NKAIN1: variants seen among roughly 807,000 people sequenced by gnomAD.
NKAIN1 encodes the protein sodium/potassium-transporting ATPase subunit beta-1-interacting protein 1.
Under a neutral mutation model 31.6 loss-of-function variants are expected in NKAIN1, and 13 were observed. The ratio of observed to expected loss-of-function variants is 0.41; its 90% CI spans 0.27 to 0.65. NKAIN1 has a LOEUF of 0.65. NKAIN1 is among the 30% of genes least tolerant of loss of function. The probability of loss-of-function intolerance (pLI) is 0.30; values close to 1 mark genes in which losing one functional copy is unlikely to be tolerated. For missense variants in NKAIN1, 193 were observed against 262.2 expected, an observed-to-expected ratio of 0.74 and a Z score of 1.82; for synonymous variants, 104 against 109.0, an observed-to-expected ratio of 0.95 and a Z score of 0.28.
At chr1:31,186,645 C>T (rs924623390) in intron 2 of NKAIN1, among the ~76,000 whole-genome samples, 3 of 151,854 alleles carry the variant, frequency 2.0e-5, no homozygotes, top group African/African-American at 7.3e-5. Flanking sequence ...ACTGAGACCC[C>T]AAGCATAGAA....
At position 31,181,708 on chromosome 1, in the gene NKAIN1, C is replaced by A; in HGVS notation, c.619G>T (p.Gly207Trp). Residue 207 changes from glycine to tryptophan, a missense_variant, in exon 7 of 7, where the codon GGG becomes TGG. Transcript: ENST00000373736. ...GGGTGGGCGCGGGGCAGAGGCTACC[C>A]CGACCTGCGGGAAACAAAGGCAGGT... ...HLQLQPLYTS[G>W] is the part of the protein sequence containing the mutation. 1 of 1,485,080 alleles carries A rather than the reference C, an allele frequency of 6.7e-7. No homozygotes were observed. Among genetic ancestry groups the A allele is most frequent in the Non-Finnish European group, 9.0e-7 (1 of 1,111,432 alleles). The allele number at this position is 1,485,080 out of a possible 1,614,324, so 92.0% of individuals were successfully genotyped here.
intron 1 of NKAIN1, among the ~76,000 whole-genome samples, chr1:31,196,313 A>C (rs1238504436): frequency 2.6e-5 from 4 of 152,108 alleles, no homozygotes; most frequent in Non-Finnish European, 5.9e-5. Context: ...GGAGATCGAG[A>C]CCATCCTGGC....
At chr1:31,196,987 A>G (rs938279895) in intron 1 of NKAIN1, among the ~76,000 whole-genome samples, 29 of 152,122 alleles carry the variant, frequency 1.9e-4, no homozygotes, top group Non-Finnish European at 2.6e-4. Context: ...GATTCACAGT[A>G]TCTTCCTCAT....
chr1:31,235,829 T>C (rs1645689114), intron 1 of NKAIN1, among the ~76,000 whole-genome samples: 1 of 152,082 alleles, frequency 6.6e-6, no homozygotes, highest in South Asian at 2.1e-4. Context: ...CAGGCTTAAA[T>C]CCAGGTCTTT....
At chr1:31,203,334 TCACAGTCA>T (rs1388107264) in intron 1 of NKAIN1, among the ~76,000 whole-genome samples, 1 of 38,824 alleles carries the variant, frequency 2.6e-5, no homozygotes, top group African/African-American at 3.7e-5. Flanking sequence ...TCAGAAGGGG[TCACAGTCA>T]ATGACAGTGC....
intron 1 of NKAIN1, among the ~76,000 whole-genome samples, chr1:31,201,711 G>A (rs1348038345): frequency 1.2e-4 from 19 of 152,186 alleles, no homozygotes; most frequent in Admixed American, 1.2e-3. Flanking sequence ...AGCAGTGGCA[G>A]GCTTGCCTAA....
chr1:31,181,527 C>A lies in NKAIN1; in HGVS notation c.*176G>T. 5.9e-6 allele frequency: 3 copies of A among 508,670 alleles called. No individual in the cohort carries two copies. 31.5% of individuals were successfully genotyped at this position (508,670 alleles called of 1,614,324 possible). A position where few individuals can be genotyped will look rare whatever the true frequency, so the allele number is the denominator to read the frequency against. On this transcript the variant is annotated 3_prime_UTR_variant, in exon 7 of 7. Coordinates refer to ENST00000373736, the MANE Select transcript of NKAIN1 (RefSeq NM_024522.3). ...GGGCTGCGAAGAGCCAAGCTCAAAT[C>A]CAAGTCCAAGTCCAAGTCCACGTCC...
intron 1 of NKAIN1, among the ~76,000 whole-genome samples, chr1:31,197,540 C>T (rs995811680): frequency 8.3e-5 from 6 of 72,616 alleles, no homozygotes; most frequent in African/African-American, 2.3e-4. Context: ...GCCACCGTGC[C>T]CGGCCTTTTT....
At chr1:31,204,947 A>G (rs1048123380) in intron 1 of NKAIN1, among the ~76,000 whole-genome samples, 14 of 152,194 alleles carry the variant, frequency 9.2e-5, no homozygotes, top group African/African-American at 3.4e-4. Flanking sequence ...GCACTCGGGC[A>G]GGCCTGGAAG....
At position 31,239,569 on chromosome 1, in the gene NKAIN1, CG is replaced by C; in HGVS notation, c.-23del. ...CCATGGCTCCGGGGGCTGCGCGGGC[CG>C]CACGCCGCGGCGCCCTTCTTGCTCC... is the stretch of plus-strand genomic sequence containing the variant. On this transcript the variant is annotated 5_prime_UTR_variant, in exon 1 of 7. Coordinates refer to ENST00000373736, the MANE Select transcript of NKAIN1 (RefSeq NM_024522.3). This position sits in a 1 kb window ranked among gnomAD's most constrained non-coding sequence, Gnocchi z 4.8. The C allele has an allele frequency of 8.2e-7, 1 of 1,219,484 alleles. No homozygotes were observed. The highest frequency in any genetic ancestry group is 1.0e-6 in the Non-Finnish European group (1 of 978,726). 75.5% of individuals were successfully genotyped at this position (1,219,484 alleles called of 1,614,324 possible).
chr1:31,218,397 G>C (rs1645535001), intron 1 of NKAIN1, among the ~76,000 whole-genome samples: 1 of 152,136 alleles, frequency 6.6e-6, no homozygotes, highest in African/African-American at 2.4e-5. Flanking sequence ...CTAAGTGCCA[G>C]GTGCTGCTGT....
At chr1:31,188,354 C>T in intron 1 of NKAIN1, 167 bp from the exon 2 acceptor site, 1 of 707,222 alleles carries the variant, frequency 1.4e-6, no homozygotes. Context: ...GGTCCTTAAG[C>T]CTGATCATCA....
At chr1:31,198,570 A>G (rs1645349063) in intron 1 of NKAIN1, among the ~76,000 whole-genome samples, 1 of 17,524 alleles carries the variant, frequency 5.7e-5, no homozygotes, top group South Asian at 2.1e-3. Context: ...AATCTCTCAT[A>G]TCTGGCCACT....
Position 31,220,520 on chromosome 1 carries a change from C to T in NKAIN1, c.54+18974G>A, listed in dbSNP as rs142561226. Among the ~76,000 whole-genome samples the T allele has an allele frequency of 5.7e-3, 861 of 151,904 alleles. 2 individuals are homozygous for T. Among genetic ancestry groups the T allele is most frequent in the Non-Finnish European group, 9.8e-3 (667 of 67,968 alleles). On this transcript the variant is annotated intron_variant, in intron 1 of 6. Transcript: ENST00000373736. ...CTATAATCCTGGCACTTTGGGAAGC[C>T]GAGGCCAGTGGACTACCTGAGATCA...
chr1:31,186,085 A>G (rs1305862190), intron 2 of NKAIN1, among the ~76,000 whole-genome samples: 1 of 150,968 alleles, frequency 6.6e-6, no homozygotes, highest in Admixed American at 6.6e-5. Flanking sequence ...AAAAGAGGCC[A>G]GGCGCAGTGG....
chr1:31,194,764 TCTC>T (rs1431136975), intron 1 of NKAIN1, among the ~76,000 whole-genome samples: 7 of 135,736 alleles, frequency 5.2e-5, no homozygotes, highest in Admixed American at 1.5e-4. Flanking sequence ...TCTCTCTCTC[TCTC>T]TTTTTTTTTT....
chr1:31,183,967 C>G lies in NKAIN1; in HGVS notation c.321G>C (p.Trp107Cys). 6.2e-7 allele frequency: 1 copy of G among 1,614,090 alleles called. No homozygotes were observed. The highest frequency in any genetic ancestry group is 8.5e-7 in the Non-Finnish European group (1 of 1,180,006). The change falls in exon 4 of 7, where the codon TGG becomes TGC. Residue 107 changes from tryptophan (W) to cysteine (C), a missense_variant. By Grantham distance (215) the Trp-to-Cys change is radical (BLOSUM62 -2). Coordinates refer to ENST00000373736, the MANE Select transcript of NKAIN1 (RefSeq NM_024522.3). ...GGCAGCCTGGCCCATTCTCCATCCA[C>G]CAGGAGCGGTGCAGGGATGTGTTGA... Reference protein sequence around the residue: ...MTFNTSLHRSWWMENGPGCLV... With the variant: ...MTFNTSLHRSCWMENGPGCLV...
In NKAIN1 at chr1:31,233,513, C is replaced by T. The variant is rs947296274; in HGVS notation, c.54+5981G>A. 1.3e-5 allele frequency among the ~76,000 whole-genome samples: 2 copies of T among 152,178 alleles called. No individual in the cohort carries two copies. Among genetic ancestry groups the T allele is most frequent in the Non-Finnish European group, 2.9e-5 (2 of 68,040 alleles). ...TATCATTTATGTGGCCATGGATAAG[C>T]CACACAGTAGCAAGAGACATATATA... is the stretch of plus-strand genomic sequence containing the variant. On this transcript the variant is annotated intron_variant, in intron 1 of 6. Transcript: ENST00000373736. This position sits in a 1 kb window ranked among gnomAD's most constrained non-coding sequence, Gnocchi z 4.0.
chr1:31,197,499 G>C (rs890838999), intron 1 of NKAIN1, among the ~76,000 whole-genome samples: 1 of 146,734 alleles, frequency 6.8e-6, no homozygotes, highest in African/African-American at 2.5e-5. Context: ...GCCCGCCTTG[G>C]CCTCCCAAAG....
Sources: allele counts gnomAD v4.1 joint callset (sites outside exome capture counted in the v4.1 genomes callset), GRCh38; gene constraint gnomAD v4.1.1; non-coding constraint Gnocchi (gnomAD v3.1); transcripts MANE v1.5; gene names NCBI Gene and HGNC (gene_info 2026-07-23, HGNC 2026-07-21).